The following TP73 variants were observed in gnomAD, a reference collection of about 807,000 sequenced individuals.
The protein encoded by TP73 is p53-like transcription factor.
A neutral mutation model predicts 62.5 loss-of-function variants in TP73; 25 were observed. The observed-to-expected ratio is 0.40, with a 90% CI of 0.29 to 0.56. The LOEUF is 0.56. Ranked by LOEUF, TP73 falls within the 20% of genes least tolerant of loss-of-function variation. TP73 has a pLI of 0.46. For missense variants in TP73, 754 were observed against 913.3 expected (o/e 0.83, Z 2.25); for synonymous variants, 423 against 377.5 (o/e 1.12, Z -1.40).
intron 3 of TP73, among the ~76,000 whole-genome samples, chr1:3,683,382 C>A (rs577779243): frequency 2.0e-5 from 3 of 152,142 alleles, no homozygotes; most frequent in African/African-American, 7.2e-5. Context: ...GGAATGGATT[C>A]AGGCATGGCT....
chr1:3,718,876 C>T (rs1640834388), intron 4 of TP73, among the ~76,000 whole-genome samples: 1 of 151,840 alleles, frequency 6.6e-6, no homozygotes, highest in Admixed American at 6.6e-5. Context: ...GCTCCAGCCC[C>T]CCGCAACCAA....
intron 4 of TP73, among the ~76,000 whole-genome samples, chr1:3,720,019 G>A (rs895882983): frequency 6.6e-6 from 1 of 151,772 alleles, no homozygotes; most frequent in Non-Finnish European, 1.5e-5. Context: ...GAGTTCAAGC[G>A]ATTCTCCTGC....
intron 3 of TP73, among the ~76,000 whole-genome samples, chr1:3,687,335 A>C (rs1570445030): frequency 2.6e-5 from 4 of 152,110 alleles, no homozygotes; most frequent in Admixed American, 2.6e-4. Context: ...TCTGGATGCC[A>C]CCTGGGTGGG....
intron 3 of TP73, among the ~76,000 whole-genome samples, chr1:3,685,606 C>T (rs537407200): frequency 2.0e-4 from 30 of 152,320 alleles, no homozygotes; most frequent in African/African-American, 5.8e-4. Flanking sequence ...CCCATGGGAG[C>T]GCCAGGTACA....
At chr1:3,695,637 G>A (rs761572034) in intron 3 of TP73, among the ~76,000 whole-genome samples, 5 of 152,270 alleles carry the variant, frequency 3.3e-5, no homozygotes, top group Middle Eastern at 3.2e-3. Context: ...CTCTGGGCAG[G>A]ATGGGCCTCC....
chr1:3,722,813 GGCACCTGGCATGGGGCCGGGCACCTCTCT>G lies in TP73; in HGVS notation c.617-524_617-496del, dbSNP rs1231435106. 6.6e-3 allele frequency among the ~76,000 whole-genome samples: 974 copies of G among 147,404 alleles called. 11 individuals carry two copies. The highest frequency in any genetic ancestry group is 0.023 in the African/African-American group (903 of 39,768). On this transcript the variant is annotated intron_variant, in intron 5 of 13. Coordinates refer to ENST00000378295, the MANE Select transcript of TP73 (RefSeq NM_005427.4). Reference sequence around the variant, plus strand: ...CCTCTCTGCATGTGACACAGAGGTGGGCACCTGGCATGGGGCCGGGCACCTCTCTGCACCTGGCATGGGGCTGGGCACCT... The same window carrying G: ...CCTCTCTGCATGTGACACAGAGGTGGGCACCTGGCATGGGGCTGGGCACCT...
rs1197107107 is a variant in TP73, at chr1:3,670,251, C to T, written c.-33-12082C>T. Among the ~76,000 whole-genome samples the T allele has an allele frequency of 2.6e-5, 4 of 151,998 alleles. No homozygotes were observed. The highest frequency in any genetic ancestry group is 7.3e-5 in the African/African-American group (3 of 41,374). On this transcript the variant is annotated intron_variant, in intron 1 of 13. Coordinates refer to ENST00000378295, the MANE Select transcript of TP73 (RefSeq NM_005427.4). This position sits in a 1 kb window ranked among gnomAD's most constrained non-coding sequence, Gnocchi z 5.9. ...GGTAAGGCAGGGATGATGATGGGGC[C>T]GGGGGACCACATGGGCACAGGCTTC...
At chr1:3,721,496 G>A (rs1339454212) in intron 4 of TP73, among the ~76,000 whole-genome samples, 1 of 152,240 alleles carries the variant, frequency 6.6e-6, no homozygotes, top group African/African-American at 2.4e-5. Context: ...AGCTCTCTAT[G>A]GAAGCTTGAA....
intron 1 of TP73, among the ~76,000 whole-genome samples, chr1:3,657,033 G>A (rs896214106): frequency 6.6e-6 from 1 of 152,204 alleles, no homozygotes; most frequent in Non-Finnish European, 1.5e-5. Context: ...TCAGGCTTAC[G>A]ACTTAATGTA....
rs185462330 is a variant in TP73 at position 3,713,805 on chromosome 1, C to T, written c.429+6014C>T. Among the ~76,000 whole-genome samples, 71 of 152,266 alleles carry T rather than the reference C, an allele frequency of 4.7e-4. 1 individual carries two copies. The highest frequency in any genetic ancestry group is 1.3e-3 in the African/African-American group (55 of 41,552). ...CGGACAGCGTGAGGCTCAGAGATTACGTGGCGGCCGAGGCTGGTGTCCACA... is the reference window on the plus strand; with the variant it reads ...CGGACAGCGTGAGGCTCAGAGATTATGTGGCGGCCGAGGCTGGTGTCCACA... On this transcript the variant is annotated intron_variant, in intron 4 of 13. Coordinates refer to ENST00000378295, the MANE Select transcript of TP73 (RefSeq NM_005427.4).
chr1:3,690,830 C>T (rs1570458215), intron 3 of TP73: 1 of 1,545,282 alleles, frequency 6.5e-7, no homozygotes. Flanking sequence ...GACCCTTCCC[C>T]TCGGGCCGCC....
intron 4 of TP73, among the ~76,000 whole-genome samples, chr1:3,710,150 C>G (rs931896676): frequency 2.1e-5 from 3 of 142,194 alleles, no homozygotes; most frequent in Non-Finnish European, 4.5e-5. Context: ...AGCAGAGGAG[C>G]AGTGACACCT....
At chr1:3,719,257 G>A (rs1640868953) in intron 4 of TP73, among the ~76,000 whole-genome samples, 1 of 152,070 alleles carries the variant, frequency 6.6e-6, no homozygotes. Context: ...AGAGACGAGG[G>A]GGACAGAGCC....
At chr1:3,715,891 C>T (rs1023253203) in intron 4 of TP73, among the ~76,000 whole-genome samples, 7 of 152,166 alleles carry the variant, frequency 4.6e-5, no homozygotes, top group Non-Finnish European at 4.4e-5. Flanking sequence ...GATGGAGATC[C>T]CTAGAGGCAG....
Position 3,733,142 on chromosome 1 carries a change from C to T in TP73, c.*63C>T. On this transcript the variant is annotated 3_prime_UTR_variant, in exon 14 of 14. Transcript: ENST00000378295. ...GACCCAAGCTGCCTCCCCTCTCCTT[C>T]CTGTGTGTCCAAAACTGCCTCAGGA... is the stretch of plus-strand genomic sequence containing the variant. 6.8e-7 allele frequency: 1 copy of T among 1,461,570 alleles called. No individual in the cohort carries two copies. The highest frequency in any genetic ancestry group is 9.1e-7 in the Non-Finnish European group (1 of 1,100,590). The allele number at this position is 1,461,570 out of a possible 1,614,324, so 90.5% of individuals were successfully genotyped here. A position where few individuals can be genotyped will look rare whatever the true frequency, so the allele number is the denominator to read the frequency against.
intron 3 of TP73, among the ~76,000 whole-genome samples, chr1:3,690,294 C>T (rs142646814): frequency 8.8e-4 from 134 of 152,164 alleles, no homozygotes; most frequent in Admixed American, 1.8e-3. Context: ...CTGGTCCTGG[C>T]GGACCACCGA....
chr1:3,684,088 T>G (rs1645588129), intron 3 of TP73, among the ~76,000 whole-genome samples: 1 of 152,166 alleles, frequency 6.6e-6, no homozygotes, highest in East Asian at 1.9e-4. Flanking sequence ...AGGCCTCGAC[T>G]GTGCCGGGAG....
At chr1:3,709,856 T>A (rs190643337) in intron 4 of TP73, among the ~76,000 whole-genome samples, 1 of 152,196 alleles carries the variant, frequency 6.6e-6, no homozygotes, top group Admixed American at 6.5e-5. Flanking sequence ...GCTGATGGGG[T>A]CTTCACCATG....
chr1:3,696,307 C>T lies in TP73; in HGVS notation c.187-11242C>T, dbSNP rs1473653545. Among the ~76,000 whole-genome samples the T allele has an allele frequency of 6.6e-6, 1 of 152,002 alleles. No homozygotes were observed. Among genetic ancestry groups the T allele is most frequent in the Non-Finnish European group, 1.5e-5 (1 of 67,990 alleles). ...CCCTTGCAGGAGGCTCTGCTGCTCC[C>T]CAAGGCAGGAAAGGCCGGCAGGGTC... On this transcript the variant is annotated intron_variant, in intron 3 of 13. Transcript: ENST00000378295. This position sits in a 1 kb window ranked among gnomAD's most constrained non-coding sequence, Gnocchi z 4.1.
Sources: gnomAD v4.1 joint callset for allele counts (sites outside exome capture counted in the v4.1 genomes callset) on GRCh38, gnomAD v4.1.1 for gene constraint, Gnocchi (gnomAD v3.1) non-coding constraint, MANE v1.5 for transcripts, NCBI Gene and HGNC (gene_info 2026-07-23, HGNC 2026-07-21) for gene names.